The following RNLS variants were observed in gnomAD, a reference collection of about 807,000 sequenced individuals.
The protein encoded by RNLS is renalase.
In RNLS, 39 loss-of-function variants were observed where a neutral mutation model predicts 39.8. That is an observed-to-expected ratio of 0.98 (90% CI 0.76 to 1.28). The LOEUF (loss-of-function observed/expected upper bound fraction) is 1.28. RNLS is among the 50% of genes most tolerant of loss of function. RNLS has a pLI of 0.00. For missense variants in RNLS, 410 were observed against 413.3 expected (o/e 0.99, Z 0.07); for synonymous variants, 147 against 150.7 (o/e 0.98, Z 0.18).
At chr10:88,415,028 G>A (rs1853927458) in intron 4 of RNLS, among the ~76,000 whole-genome samples, 1 of 152,160 alleles carries the variant, frequency 6.6e-6, no homozygotes, top group Non-Finnish European at 1.5e-5. Flanking sequence ...TTGAAAGAAA[G>A]CGCACAGATA....
chr10:88,390,234 A>G (rs1852110702), intron 4 of RNLS, among the ~76,000 whole-genome samples: 2 of 152,192 alleles, frequency 1.3e-5, no homozygotes, highest in Admixed American at 1.3e-4. Flanking sequence ...AAATAAAGTG[A>G]AAGTCTCTGG....
Position 88,493,496 on chromosome 10 carries a change from A to G in RNLS, c.526+79407T>C, listed in dbSNP as rs187696929. Among the ~76,000 whole-genome samples the G allele has an allele frequency of 6.4e-4, 98 of 152,206 alleles. 1 individual carries two copies. Among genetic ancestry groups the G allele is most frequent in the East Asian group, 1.9e-3 (10 of 5,180 alleles). The stretch of plus-strand genomic sequence containing the variant: ...TATTGTGATTTAAAAAAAAACACTC[A>G]GCAAATTGCCCTCTCCTAGATAATT... On this transcript the variant is annotated intron_variant, in intron 4 of 6. Transcript: ENST00000331772.
At chr10:88,534,874 G>A (rs774199118) in intron 4 of RNLS, among the ~76,000 whole-genome samples, 2 of 152,130 alleles carry the variant, frequency 1.3e-5, no homozygotes, top group African/African-American at 4.8e-5. Context: ...TCAGGTATCA[G>A]CTGGGTTCAA....
intron 4 of RNLS, among the ~76,000 whole-genome samples, chr10:88,485,642 C>CAAAAAAAAAAA (rs11366047): frequency 4.8e-5 from 5 of 104,854 alleles, no homozygotes; most frequent in Non-Finnish European, 3.9e-5. Context: ...AATGAAAAAC[C>CAAAAAAAAAAA]AAAAAAAAAA....
intron 5 of RNLS, 26 bp from the exon 6 acceptor site, chr10:88,314,667 T>C: frequency 1.2e-6 from 2 of 1,602,084 alleles, no homozygotes; most frequent in Non-Finnish European, 1.7e-6. Flanking sequence ...ATCATAAAGA[T>C]GCATCTTAAA....
chr10:88,548,620 C>A (rs1272260268), intron 4 of RNLS, among the ~76,000 whole-genome samples: 1 of 145,796 alleles, frequency 6.9e-6, no homozygotes, highest in African/African-American at 2.5e-5. Context: ...GCCTGGGTGA[C>A]GAAGCGAGAC....
rs1484104141 is a variant in RNLS, at chr10:88,517,967, T to C, written c.526+54936A>G. On this transcript the variant is annotated intron_variant, in intron 4 of 6. Transcript: ENST00000331772. Reference sequence around the variant, plus strand: ...TTATAAATCTTAATTTTGTGAAGTATGTAACTAGGACAGGCCCTAATCCCA... The same window carrying C: ...TTATAAATCTTAATTTTGTGAAGTACGTAACTAGGACAGGCCCTAATCCCA... Among the ~76,000 whole-genome samples the C allele has an allele frequency of 3.3e-5, 5 of 151,906 alleles. No individual in the cohort carries two copies. In the East Asian group the frequency reaches 9.6e-4, roughly 29 times the overall value.
intron 4 of RNLS, among the ~76,000 whole-genome samples, chr10:88,522,545 A>T (rs1362911104): frequency 6.6e-6 from 1 of 152,074 alleles, no homozygotes; most frequent in Non-Finnish European, 1.5e-5. Flanking sequence ...TAAAACCAAG[A>T]TTTATACAAA....
chr10:88,221,826 T>C, the RNLS span, among the ~76,000 whole-genome samples: 1 of 152,172 alleles, frequency 6.6e-6, no homozygotes, highest in Non-Finnish European at 1.5e-5. Flanking sequence ...CTTTTTTTTT[T>C]CCTTTGATTT....
intron 4 of RNLS, among the ~76,000 whole-genome samples, chr10:88,521,450 T>C (rs1846726816): frequency 6.6e-6 from 1 of 152,046 alleles, no homozygotes. Context: ...CAGGGTTATA[T>C]AATACAATTC....
intron 5 of RNLS, among the ~76,000 whole-genome samples, chr10:88,360,625 A>G (rs1381260913): frequency 6.6e-6 from 1 of 152,022 alleles, no homozygotes; most frequent in Non-Finnish European, 1.5e-5. Context: ...TTTAGTAGAG[A>G]TAGGGTTTCA....
chr10:88,433,571 C>G (rs1855269432), intron 4 of RNLS, among the ~76,000 whole-genome samples: 2 of 152,022 alleles, frequency 1.3e-5, no homozygotes, highest in South Asian at 4.1e-4. Flanking sequence ...TATAATTAGG[C>G]AGTTTCAAAT....
intron 4 of RNLS, among the ~76,000 whole-genome samples, chr10:88,478,323 G>T (rs1218120024): frequency 6.6e-6 from 1 of 151,996 alleles, no homozygotes; most frequent in African/African-American, 2.4e-5. Flanking sequence ...CTGATATTTG[G>T]TAATATGTCT....
intron 6 of RNLS, among the ~76,000 whole-genome samples, chr10:88,299,588 G>T (rs886756679): frequency 6.6e-6 from 1 of 152,182 alleles, no homozygotes; most frequent in Non-Finnish European, 1.5e-5. Context: ...TTGTGCCACT[G>T]TACTCCAGCC....
At chr10:88,554,926 C>A (rs945502278) in intron 4 of RNLS, among the ~76,000 whole-genome samples, 2 of 152,120 alleles carry the variant, frequency 1.3e-5, no homozygotes, top group East Asian at 3.8e-4. Flanking sequence ...TAATTATTTG[C>A]CCTGCTTCAC....
chr10:88,501,015 ATC>A (rs745674843), intron 4 of RNLS, among the ~76,000 whole-genome samples: 2 of 121,464 alleles, frequency 1.6e-5, no homozygotes, highest in African/African-American at 5.5e-5. Context: ...GTGTATATAT[ATC>A]TCTGTGTGTG....
intron 6 of RNLS, among the ~76,000 whole-genome samples, chr10:88,293,222 C>T (rs150368839): frequency 1.3e-5 from 2 of 152,304 alleles, no homozygotes; most frequent in Non-Finnish European, 1.5e-5. Flanking sequence ...TTCCCCTGCT[C>T]ATTGCGTATG....
intron 6 of RNLS, among the ~76,000 whole-genome samples, chr10:88,294,644 T>C (rs1467414531): frequency 2.0e-5 from 3 of 152,142 alleles, no homozygotes; most frequent in Non-Finnish European, 4.4e-5. Flanking sequence ...TGGTAAGAGA[T>C]ATTTGATGTT....
intron 4 of RNLS, among the ~76,000 whole-genome samples, chr10:88,423,221 AC>A (rs1333629560): frequency 1.3e-5 from 2 of 152,160 alleles, no homozygotes; most frequent in East Asian, 3.9e-4. Context: ...ACTGTTAATG[AC>A]CCTGACTTGT....
Sources: allele counts gnomAD v4.1 joint callset (sites outside exome capture counted in the v4.1 genomes callset), GRCh38; gene constraint gnomAD v4.1.1; transcripts MANE v1.5; gene names NCBI Gene and HGNC (gene_info 2026-07-23, HGNC 2026-07-21).